Variants in NID1 observed in about 807,000 individuals in gnomAD.
The protein encoded by NID1 is nidogen-1.
A neutral mutation model predicts 130.6 loss-of-function variants in NID1; 76 were observed. The observed-to-expected ratio is 0.58, with a 90% CI of 0.48 to 0.70. NID1 has a LOEUF of 0.70. Ranked by LOEUF, NID1 falls within the 30% of genes least tolerant of loss-of-function variation. NID1 has a pLI of 0.00. For synonymous variants in NID1, 665 were observed against 675.1 expected, an observed-to-expected ratio of 0.98 and a Z score of 0.23; for missense variants, 1,517 against 1,664.8, an observed-to-expected ratio of 0.91 and a Z score of 1.54.
At chr1:236,054,723 C>A (rs1172031180) in intron 1 of NID1, among the ~76,000 whole-genome samples, 1 of 149,486 alleles carries the variant, frequency 6.7e-6, no homozygotes, top group Non-Finnish European at 1.5e-5. Flanking sequence ...CTCACTGCAA[C>A]CTCTATCTCC....
Position 236,011,901 on chromosome 1 carries a change from C to T in NID1, c.2527+20G>A, listed in dbSNP as rs1658436474. On this transcript the variant is annotated intron_variant, in intron 12 of 19. Coordinates refer to ENST00000264187, the MANE Select transcript of NID1 (RefSeq NM_002508.3). ...GGACAGGGCAATGGGCTACCGACTC[C>T]AGATGTCCCACCACCTTACCTCCGG... The T allele has an allele frequency of 1.2e-6, 2 of 1,612,898 alleles. No individual in the cohort carries two copies. The highest frequency in any genetic ancestry group is 3.3e-5 in the Admixed American group (2 of 60,002).
At chr1:236,022,954 A>G (rs1481693344) in intron 9 of NID1, among the ~76,000 whole-genome samples, 1 of 151,566 alleles carries the variant, frequency 6.6e-6, no homozygotes. Flanking sequence ...CCCAGCTACT[A>G]GGAGACAAGT....
chr1:235,980,339 A>G (rs924262019), intron 17 of NID1, among the ~76,000 whole-genome samples, 157 bp downstream of exon 17: 2 of 152,238 alleles, frequency 1.3e-5, no homozygotes, highest in Admixed American at 6.5e-5. Context: ...GTACCAGTAT[A>G]TATTTAATGT....
chr1:236,042,881 G>A (rs868600679), intron 3 of NID1, among the ~76,000 whole-genome samples: 10 of 152,228 alleles, frequency 6.6e-5, no homozygotes, highest in African/African-American at 2.4e-4. Flanking sequence ...ACCAAGGCAT[G>A]ATTAGAAGGT....
In NID1 at chr1:236,029,576, G is replaced by A. The variant is rs374363610; in HGVS notation, c.1712C>T (p.Thr571Met). Residue 571 changes from threonine to methionine, a missense_variant, in exon 7 of 20, where the codon ACG (threonine) becomes ATG (methionine). By Grantham distance (81) the Thr-to-Met change is moderately conservative. This residue lies in a region of NID1 where 1,329 missense variants were observed against 1,429.2 expected (regional missense o/e 0.93). Transcript: ENST00000264187. ...FGSSVHIEPY[T>M]ELYHYSTSVI... ...TGAGGTGGAGTAGTGGTACAGCTCCGTGTAGGGCTCAATGTGCACGGAGGA... is the reference window on the plus strand; with the variant it reads ...TGAGGTGGAGTAGTGGTACAGCTCCATGTAGGGCTCAATGTGCACGGAGGA... The A allele has an allele frequency of 2.8e-5, 44 of 1,572,002 alleles. No individual in the cohort carries two copies. The highest frequency in any genetic ancestry group is 1.6e-4 in the African/African-American group (12 of 74,112).
At chr1:236,010,798 T>C (rs1186210444) in intron 12 of NID1, among the ~76,000 whole-genome samples, 1 of 152,264 alleles carries the variant, frequency 6.6e-6, no homozygotes, top group Non-Finnish European at 1.5e-5. Flanking sequence ...AAGAAAATAA[T>C]TTAGACTAAC....
At chr1:236,064,815 G>A in intron 1 of NID1, 40 bp downstream of exon 1, 1 of 1,568,988 alleles carries the variant, frequency 6.4e-7, no homozygotes, top group Non-Finnish European at 8.7e-7. Flanking sequence ...GGCCCGCCGC[G>A]CCCTGCAGCC....
In NID1 at chr1:236,065,071, G is replaced by A. The variant is rs1660155937; in HGVS notation, c.9C>T (p.Ala3=). The A allele has an allele frequency of 6.5e-7, 1 of 1,550,336 alleles. No individual in the cohort carries two copies. The highest frequency in any genetic ancestry group is 8.7e-7 in the Non-Finnish European group (1 of 1,146,950). Residue 3 remains alanine (A), a synonymous_variant, in exon 1 of 20, where the codon GCC becomes GCT. Transcript: ENST00000264187. The surrounding 1 kb of genome is among the most constrained non-coding windows in gnomAD (Gnocchi z 4.1). ML[A]SSSRIRAAWT... ...ACGCAGCCCGGATCCGGCTGCTCGAGGCCAACATGTTCCCGAACTGCGGTC... is the reference window on the plus strand; with the variant it reads ...ACGCAGCCCGGATCCGGCTGCTCGAAGCCAACATGTTCCCGAACTGCGGTC...
chr1:236,021,643 G>A (rs547602689), intron 9 of NID1, among the ~76,000 whole-genome samples: 1 of 152,250 alleles, frequency 6.6e-6, no homozygotes, highest in East Asian at 1.9e-4. Flanking sequence ...TCAAGCAGGG[G>A]TAGAGGGAGC....
intron 6 of NID1, 107 bp from the exon 7 acceptor site, chr1:236,029,857 G>A (rs2102829784): frequency 9.9e-7 from 1 of 1,008,202 alleles, no homozygotes; most frequent in Admixed American, 2.0e-5. Context: ...TTCTGCAGGT[G>A]CTTTGGTTTG....
At chr1:236,039,933 G>A (rs1405003218) in intron 4 of NID1, among the ~76,000 whole-genome samples, 2 of 152,128 alleles carry the variant, frequency 1.3e-5, no homozygotes, top group South Asian at 2.1e-4. Flanking sequence ...ATGCACTACT[G>A]GCCACAGAAG....
rs1381847235 is a variant in NID1, at chr1:236,032,509, G to T, written c.1429C>A (p.Pro477Thr). Reference sequence around the variant, plus strand: ...AGCAGAGAATATCCAACGGTCTCGGGAATGGTGCTGATGGCTGTGTAGGAG... The same window carrying T: ...AGCAGAGAATATCCAACGGTCTCGGTAATGGTGCTGATGGCTGTGTAGGAG... ...GRSYTAISTI[P>T]ETVGYSLLPL... Residue 477 changes from proline to threonine, a missense_variant, in exon 6 of 20, where the codon CCC (proline) becomes ACC (threonine). By Grantham distance (38) the Pro-to-Thr change is conservative. This residue lies in a region of NID1 where 1,329 missense variants were observed against 1,429.2 expected (regional missense o/e 0.93). Coordinates refer to ENST00000264187, the MANE Select transcript of NID1 (RefSeq NM_002508.3). 6.2e-7 allele frequency: 1 copy of T among 1,614,182 alleles called. No homozygotes were observed. Among genetic ancestry groups the T allele is most frequent in the East Asian group, 2.2e-5 (1 of 44,882 alleles).
At chr1:235,990,428 G>GC (rs1271225411) in intron 14 of NID1, among the ~76,000 whole-genome samples, 1 of 152,158 alleles carries the variant, frequency 6.6e-6, no homozygotes, top group Non-Finnish European at 1.5e-5. Context: ...CCCTCCCACT[G>GC]CTCCAGCAAT....
intron 2 of NID1, 121 bp from the exon 3 acceptor site, chr1:236,045,804 T>C: frequency 1.3e-6 from 1 of 753,980 alleles, no homozygotes; most frequent in East Asian, 2.7e-5. Context: ...ATTCTCACCT[T>C]ATTCTAAAAG....
At position 235,979,457 on chromosome 1, in the gene NID1, T is replaced by C. The variant is rs887103962; in HGVS notation, c.3510-350A>G. 6.6e-6 allele frequency among the ~76,000 whole-genome samples: 1 copy of C among 152,082 alleles called. No homozygotes were observed. The highest frequency in any genetic ancestry group is 2.4e-5 in the African/African-American group (1 of 41,410). Reference sequence around the variant, plus strand: ...CGTGGGAATATTGCAGTTTAACAACTATAATGAAGCAGGGACATGAAGTGG... The same window carrying C: ...CGTGGGAATATTGCAGTTTAACAACCATAATGAAGCAGGGACATGAAGTGG... On this transcript the variant is annotated intron_variant, in intron 18 of 19. Coordinates refer to ENST00000264187, the MANE Select transcript of NID1 (RefSeq NM_002508.3). This position sits in a 1 kb window ranked among gnomAD's most constrained non-coding sequence, Gnocchi z 4.6.
intron 5 of NID1, among the ~76,000 whole-genome samples, chr1:236,037,858 G>A (rs1419894400): frequency 1.3e-5 from 2 of 152,170 alleles, no homozygotes; most frequent in Non-Finnish European, 2.9e-5. Flanking sequence ...CCCAGTGACT[G>A]TCCCCTGAGA....
intron 1 of NID1, among the ~76,000 whole-genome samples, chr1:236,058,896 C>T (rs1300239076): frequency 6.6e-6 from 1 of 152,150 alleles, no homozygotes; most frequent in East Asian, 1.9e-4. Context: ...AAGCAAACTC[C>T]ATGGGTGAGA....
At chr1:236,037,159 A>T (rs908016367) in intron 5 of NID1, among the ~76,000 whole-genome samples, 34 of 152,354 alleles carry the variant, frequency 2.2e-4, no homozygotes, top group African/African-American at 8.2e-4. Context: ...TTTAGAATGG[A>T]CATTGGCCCA....
rs559507089 is a variant in NID1, at chr1:235,990,747, A to G, written c.2928+139T>C. On this transcript the variant is annotated intron_variant, in intron 14 of 19. Coordinates refer to ENST00000264187, the MANE Select transcript of NID1 (RefSeq NM_002508.3). The stretch of plus-strand genomic sequence containing the variant: ...AGCAATACAGTGGCCCCATCTAGAG[A>G]TGGTCACCCAGGACTACATGGAATG... The G allele has an allele frequency of 3.6e-5, 31 of 858,578 alleles. No homozygotes were observed. In the Admixed American group the frequency reaches 7.0e-4, roughly 19 times the overall value. 53.2% of individuals were successfully genotyped at this position (858,578 alleles called of 1,614,324 possible). A position where few individuals can be genotyped will look rare whatever the true frequency, so the allele number is the denominator to read the frequency against.
Sources: allele counts gnomAD v4.1 joint callset (sites outside exome capture counted in the v4.1 genomes callset), GRCh38; gene constraint gnomAD v4.1.1; regional missense constraint gnomAD v4.1.1; non-coding constraint Gnocchi (gnomAD v3.1); transcripts MANE v1.5; gene names NCBI Gene and HGNC (gene_info 2026-07-23, HGNC 2026-07-21).